Variants in PTPRB observed in about 807,000 individuals in gnomAD.
PTPRB encodes the protein receptor-type tyrosine-protein phosphatase beta.
A neutral mutation model predicts 238.1 loss-of-function variants in PTPRB; 97 were observed. That is an observed-to-expected ratio of 0.41 (90% CI 0.35 to 0.48). The LOEUF (loss-of-function observed/expected upper bound fraction) is 0.48, where lower values mean the gene tolerates loss of function less well. PTPRB is among the 20% of genes least tolerant of loss of function. The pLI, the probability that PTPRB is intolerant of heterozygous loss-of-function variation, is 0.30. For synonymous variants in PTPRB, 970 were observed against 995.4 expected, an observed-to-expected ratio of 0.97 and a Z score of 0.48; for missense variants, 2,292 against 2,681.9, an observed-to-expected ratio of 0.85 and a Z score of 3.21.
chr12:70,550,859 G>C (rs1876769971), intron 21 of PTPRB, among the ~76,000 whole-genome samples: 1 of 151,864 alleles, frequency 6.6e-6, no homozygotes. Flanking sequence ...TTGAGCCCAG[G>C]TAACCAAGGA....
intron 15 of PTPRB, among the ~76,000 whole-genome samples, chr12:70,565,326 T>C (rs2717440): frequency 0.33 from 50,589 of 152,128 alleles, 8,802 homozygotes; most frequent in African/African-American, 0.43. Flanking sequence ...TGGCTTTCAG[T>C]CTCACCTTTC....
chr12:70,566,839 C>G, intron 14 of PTPRB, 135 bp from the exon 15 acceptor site: 2 of 916,218 alleles, frequency 2.2e-6, no homozygotes, highest in East Asian at 4.9e-5. Flanking sequence ...TTGACACTTT[C>G]TGTGTGCCCT....
Position 70,551,875 on chromosome 12 carries a change from C to T in PTPRB, c.5387+902G>A, listed in dbSNP as rs1388376227. On this transcript the variant is annotated intron_variant, in intron 21 of 33. Coordinates refer to ENST00000334414, the MANE Select transcript of PTPRB (RefSeq NM_001109754.4). ...CAAGAGCACTGCCAATTCCTAGGGCCGAAGGGCCTAGTGACTGCAGTGATG... is the reference window on the plus strand; with the variant it reads ...CAAGAGCACTGCCAATTCCTAGGGCTGAAGGGCCTAGTGACTGCAGTGATG... Among the ~76,000 whole-genome samples, 14 of 151,988 alleles carry T rather than the reference C, an allele frequency of 9.2e-5. 1 individual carries two copies. Among genetic ancestry groups the T allele is most frequent in the African/African-American group, 2.7e-4 (11 of 41,396 alleles).
chr12:70,594,822 C>T, intron 5 of PTPRB, 98 bp from the exon 6 acceptor site: 1 of 1,410,220 alleles, frequency 7.1e-7, no homozygotes, highest in African/African-American at 1.4e-5. Flanking sequence ...TTGTGTTCCT[C>T]TGTACATCTT....
intron 6 of PTPRB, among the ~76,000 whole-genome samples, chr12:70,593,270 T>C (rs1392332354): frequency 6.6e-6 from 1 of 152,100 alleles, no homozygotes; most frequent in East Asian, 1.9e-4. Flanking sequence ...CCCAACACTT[T>C]GGGAGGCCAA....
intron 7 of PTPRB, 114 bp downstream of exon 7, chr12:70,592,168 C>A (rs1882549632): frequency 6.2e-6 from 9 of 1,440,478 alleles, no homozygotes; most frequent in Non-Finnish European, 8.6e-6. Context: ...GTTACATAGG[C>A]TCCACTTCTC....
chr12:70,622,017 T>G (rs1182544901), intron 3 of PTPRB, among the ~76,000 whole-genome samples: 1 of 152,198 alleles, frequency 6.6e-6, no homozygotes, highest in Admixed American at 6.5e-5. Flanking sequence ...CTCTCTCCCT[T>G]CCTTTGGAGC....
chr12:70,612,833 A>G (rs1418437506), intron 3 of PTPRB, among the ~76,000 whole-genome samples: 1 of 152,062 alleles, frequency 6.6e-6, no homozygotes, highest in Non-Finnish European at 1.5e-5. Flanking sequence ...CAAAAAATAC[A>G]AAAATTAGCT....
At chr12:70,590,333 T>A (rs956249080) in intron 7 of PTPRB, 100 bp from the exon 8 acceptor site, 1 of 1,242,718 alleles carries the variant, frequency 8.0e-7, no homozygotes, top group Admixed American at 2.5e-5. Context: ...ACACAATATC[T>A]GCAGTTCAAA....
rs546469704 is a variant in PTPRB, at chr12:70,517,246, G to A, written c.*4243C>T. 6.6e-6 allele frequency: 1 copy of A among 152,302 alleles called. No homozygotes were observed. The highest frequency in any genetic ancestry group is 1.9e-4 in the East Asian group (1 of 5,190). 9.4% of individuals were successfully genotyped at this position (152,302 alleles called of 1,614,324 possible). On this transcript the variant is annotated 3_prime_UTR_variant, in exon 34 of 34. Coordinates refer to ENST00000334414, the MANE Select transcript of PTPRB (RefSeq NM_001109754.4). ...AGTTAAACCATCTGGCCAACATAGAGTGAATCCTCAAAAGGGCAACATGTC... is the reference window on the plus strand; with the variant it reads ...AGTTAAACCATCTGGCCAACATAGAATGAATCCTCAAAAGGGCAACATGTC...
chr12:70,629,451 C>G (rs1299885924), intron 2 of PTPRB, among the ~76,000 whole-genome samples: 1 of 152,076 alleles, frequency 6.6e-6, no homozygotes, highest in Non-Finnish European at 1.5e-5. Flanking sequence ...AAGCAGCGTA[C>G]AGAGGGAAAT....
At chr12:70,614,788 G>A (rs1447246574) in intron 3 of PTPRB, among the ~76,000 whole-genome samples, 7 of 152,224 alleles carry the variant, frequency 4.6e-5, no homozygotes, top group Middle Eastern at 3.4e-3. Context: ...ACTTCGAACC[G>A]GCTCAATAGT....
Position 70,516,443 on chromosome 12 carries a change from C to G in PTPRB, c.*5046G>C, listed in dbSNP as rs560433297. ...ATACTCTTCCAGTAGAGCACTGGTGCACCCTCTTGTCAGTGTGGCAGACTA... is the reference window on the plus strand; with the variant it reads ...ATACTCTTCCAGTAGAGCACTGGTGGACCCTCTTGTCAGTGTGGCAGACTA... On this transcript the variant is annotated 3_prime_UTR_variant, in exon 34 of 34. Coordinates refer to ENST00000334414, the MANE Select transcript of PTPRB (RefSeq NM_001109754.4). 5.9e-5 allele frequency: 9 copies of G among 152,336 alleles called. No individual in the cohort carries two copies. The highest frequency in any genetic ancestry group is 1.9e-4 in the African/African-American group (8 of 41,582). 9.4% of individuals were successfully genotyped at this position (152,336 alleles called of 1,614,324 possible).
chr12:70,622,949 A>AG (rs11302137), intron 2 of PTPRB, among the ~76,000 whole-genome samples: 23,542 of 147,166 alleles, frequency 0.16, 2,117 homozygotes, highest in East Asian at 0.38. Context: ...ATGAGAATTT[A>AG]GGGGGGGGGT....
chr12:70,592,140 A>G, intron 7 of PTPRB, 142 bp downstream of exon 7: 1 of 1,145,676 alleles, frequency 8.7e-7, no homozygotes, highest in Non-Finnish European at 1.2e-6. Context: ...AGAATGGGCC[A>G]TACTACAGAC....
intron 3 of PTPRB, among the ~76,000 whole-genome samples, chr12:70,615,988 T>C (rs1478868096): frequency 6.6e-6 from 1 of 152,206 alleles, no homozygotes. Flanking sequence ...ACAGTCTATA[T>C]TTCAATTTTG....
At position 70,519,011 on chromosome 12, in the gene PTPRB, A is replaced by G. The variant is rs1162344308; in HGVS notation, c.*2478T>C. Reference sequence around the variant, plus strand: ...AAACTTTTTTTTTCTCCTAAATTTAATAAATAAGTCAATTATATATTTAGT... The same window carrying G: ...AAACTTTTTTTTTCTCCTAAATTTAGTAAATAAGTCAATTATATATTTAGT... On this transcript the variant is annotated 3_prime_UTR_variant, in exon 34 of 34. Coordinates refer to ENST00000334414, the MANE Select transcript of PTPRB (RefSeq NM_001109754.4). The G allele has an allele frequency of 6.6e-6, 1 of 152,150 alleles. No homozygotes were observed. Among genetic ancestry groups the G allele is most frequent in the Non-Finnish European group, 1.5e-5 (1 of 68,036 alleles). The allele number at this position is 152,150 out of a possible 1,614,324, so 9.4% of individuals were successfully genotyped here. A position where few individuals can be genotyped will look rare whatever the true frequency, so the allele number is the denominator to read the frequency against.
intron 22 of PTPRB, among the ~76,000 whole-genome samples, chr12:70,543,244 T>C (rs533305275): frequency 2.6e-5 from 4 of 152,232 alleles, no homozygotes; most frequent in Non-Finnish European, 5.9e-5. Context: ...CCCTTAAATT[T>C]AGGTCTATGA....
At chr12:70,583,130 T>C (rs576954569) in intron 9 of PTPRB, among the ~76,000 whole-genome samples, 64 of 152,274 alleles carry the variant, frequency 4.2e-4, no homozygotes, top group African/African-American at 1.5e-3. Context: ...AATTTTACAA[T>C]ACTTTGGAAA....
Sources: gnomAD v4.1 joint callset for allele counts (sites outside exome capture counted in the v4.1 genomes callset) on GRCh38, gnomAD v4.1.1 for gene constraint, MANE v1.5 for transcripts, NCBI Gene and HGNC (gene_info 2026-07-23, HGNC 2026-07-21) for gene names.